The following ATP8A2 variants were observed in gnomAD, a reference collection of about 807,000 sequenced individuals.
ATP8A2 encodes the protein phospholipid-transporting ATPase IB.
A neutral mutation model predicts 165.6 loss-of-function variants in ATP8A2; 100 were observed. The ratio of observed to expected loss-of-function variants is 0.60; its 90% confidence interval spans 0.51 to 0.71. The LOEUF is 0.71. ATP8A2 is among the 30% of genes least tolerant of loss of function. The pLI is 0.00. For missense variants in ATP8A2, 1,227 were observed against 1,479.5 expected, an observed-to-expected ratio of 0.83 and a Z score of 2.80; for synonymous variants, 543 against 548.8, an observed-to-expected ratio of 0.99 and a Z score of 0.15.
intron 24 of ATP8A2, among the ~76,000 whole-genome samples, chr13:25,615,139 A>G (rs1249636260): frequency 6.6e-6 from 1 of 152,126 alleles, no homozygotes; most frequent in Admixed American, 6.5e-5. Context: ...CAGGGTGGGT[A>G]GAGAAAGACC....
chr13:25,495,938 C>G (rs1002603153), intron 2 of ATP8A2, among the ~76,000 whole-genome samples: 1 of 152,068 alleles, frequency 6.6e-6, no homozygotes, highest in Non-Finnish European at 1.5e-5. Flanking sequence ...GATTCTTGCT[C>G]ATCTTTATAC....
rs1446803629 is a variant in ATP8A2 at position 25,868,090 on chromosome 13, T to C, written c.3183+5682T>C. ...GGGTAGCCCCGGCCAAGGAATCCTC[T>C]CTTCACCCAAGTGCGGGTGTTGGGA... On this transcript the variant is annotated intron_variant, in intron 33 of 36. Transcript: ENST00000381655. 8.8e-6 allele frequency: 4 copies of C among 456,328 alleles called. No individual in the cohort carries two copies. The Admixed American group carries it at 9.4e-5, about 11-fold the overall frequency. The allele number at this position is 456,328 out of a possible 1,614,324, so 28.3% of individuals were successfully genotyped here.
Position 25,570,815 on chromosome 13 carries a change from C to A in ATP8A2, c.1522C>A (p.His508Asn), listed in dbSNP as rs1306172556. Residue 508 changes from histidine (H) to asparagine (N), a missense_variant, in exon 17 of 37, where the codon CAC becomes AAC. Physicochemically the swap from His to Asn is moderately conservative, Grantham distance 68. This residue lies in a region of ATP8A2 where 592 missense variants were observed against 785.6 expected (regional missense o/e 0.75). Transcript: ENST00000381655. ...QEFLTLLAVC[H>N]TVVPEKDGDN... is the part of the protein sequence containing the mutation. Reference sequence around the variant, plus strand: ...GTTCCTCACCCTTCTGGCCGTGTGCCACACGGTTGTTCCTGAGAAGGATGG... The same window carrying A: ...GTTCCTCACCCTTCTGGCCGTGTGCAACACGGTTGTTCCTGAGAAGGATGG... The A allele has an allele frequency of 6.2e-7, 1 of 1,613,706 alleles. No individual in the cohort carries two copies. Among genetic ancestry groups the A allele is most frequent in the Non-Finnish European group, 8.5e-7 (1 of 1,179,770 alleles).
rs537200760 is a variant in ATP8A2 at position 25,831,170 on chromosome 13, C to T, written c.2754+2978C>T. ...TCTAAATGTACTCTTTGTTTGATTC[C>T]GCAAGTCAGCTAAAGTAGCAAGTCG... On this transcript the variant is annotated intron_variant, in intron 28 of 36. Coordinates refer to ENST00000381655, the MANE Select transcript of ATP8A2 (RefSeq NM_016529.6). 1.5e-4 allele frequency among the ~76,000 whole-genome samples: 23 copies of T among 151,726 alleles called. No individual in the cohort carries two copies. The South Asian group carries it at 4.2e-3, about 27-fold the overall frequency.
intron 24 of ATP8A2, among the ~76,000 whole-genome samples, chr13:25,602,027 T>C (rs918986133): frequency 6.6e-6 from 1 of 152,210 alleles, no homozygotes; most frequent in African/African-American, 2.4e-5. Flanking sequence ...TACCATCTGC[T>C]AAAAAATTCC....
intron 33 of ATP8A2, among the ~76,000 whole-genome samples, chr13:25,898,541 T>A (rs1030418364): frequency 3.9e-5 from 6 of 152,238 alleles, no homozygotes; most frequent in Non-Finnish European, 8.8e-5. Context: ...GAACCACTCC[T>A]CTCTTCAAAG....
chr13:25,837,423 C>CCA lies in ATP8A2; in HGVS notation c.2877+184_2877+185dup, dbSNP rs72194516. 1.7e-3 allele frequency: 533 copies of CCA among 311,546 alleles called. 2 individuals carry two copies. The highest frequency in any genetic ancestry group is 3.0e-3 in the African/African-American group (124 of 41,580). 19.3% of individuals were successfully genotyped at this position (311,546 alleles called of 1,614,324 possible). A position where few individuals can be genotyped will look rare whatever the true frequency, so the allele number is the denominator to read the frequency against. ...AAAACATGATCCACTCACCCCACCA[C>CCA]CACACACACACACACACACACACAC... On this transcript the variant is annotated intron_variant, in intron 29 of 36. Transcript: ENST00000381655.
intron 35 of ATP8A2, among the ~76,000 whole-genome samples, chr13:25,999,918 T>G (rs1002904840): frequency 3.9e-5 from 6 of 152,184 alleles, no homozygotes; most frequent in African/African-American, 1.4e-4. Flanking sequence ...AAAACCGATT[T>G]TGTTTTTGTT....
chr13:25,927,812 A>C (rs1593574741), intron 33 of ATP8A2, among the ~76,000 whole-genome samples: 1 of 152,378 alleles, frequency 6.6e-6, no homozygotes, highest in African/African-American at 2.4e-5. Context: ...AGAGTATGGC[A>C]AAAGCCCAGA....
intron 27 of ATP8A2, among the ~76,000 whole-genome samples, chr13:25,775,648 A>G (rs2044725112): frequency 6.6e-6 from 1 of 152,184 alleles, no homozygotes; most frequent in African/African-American, 2.4e-5. Flanking sequence ...CATGTTTGCT[A>G]TTAGTGGGAT....
intron 2 of ATP8A2, among the ~76,000 whole-genome samples, chr13:25,508,875 G>A (rs117483411): frequency 0.018 from 2,709 of 152,264 alleles, 36 homozygotes; most frequent in Non-Finnish European, 0.03. Flanking sequence ...AGCCTTGCTT[G>A]GGGTAAGAAC....
chr13:25,461,948 T>C (rs574240588), intron 1 of ATP8A2, among the ~76,000 whole-genome samples: 2 of 152,234 alleles, frequency 1.3e-5, no homozygotes, highest in Admixed American at 1.3e-4. Context: ...ACTGACACTT[T>C]ACAGAAAAAT....
intron 33 of ATP8A2, among the ~76,000 whole-genome samples, chr13:25,907,062 T>C (rs1233436120): frequency 6.6e-6 from 1 of 152,186 alleles, no homozygotes; most frequent in Non-Finnish European, 1.5e-5. Flanking sequence ...AAACCCCGTC[T>C]CTACCAAAAA....
chr13:25,763,409 C>T (rs2044425004), intron 25 of ATP8A2, among the ~76,000 whole-genome samples: 1 of 152,146 alleles, frequency 6.6e-6, no homozygotes, highest in Non-Finnish European at 1.5e-5. Context: ...AGCTCCTCGC[C>T]ATGTGTAAGT....
chr13:25,803,296 G>A (rs78495760), intron 27 of ATP8A2, among the ~76,000 whole-genome samples: 3,377 of 152,146 alleles, frequency 0.022, 109 homozygotes, highest in African/African-American at 0.077. Context: ...AGTAAGTCAG[G>A]TGACAGGATT....
chr13:25,946,117 A>G (rs985433260), intron 33 of ATP8A2, among the ~76,000 whole-genome samples: 1 of 151,992 alleles, frequency 6.6e-6, no homozygotes, highest in Non-Finnish European at 1.5e-5. Flanking sequence ...TAACCTTTTG[A>G]GTGTCGCAGT....
At chr13:25,761,875 A>C (rs888471581) in intron 25 of ATP8A2, among the ~76,000 whole-genome samples, 10 of 151,944 alleles carry the variant, frequency 6.6e-5, no homozygotes, top group Non-Finnish European at 1.5e-4. Flanking sequence ...TATGATCTAA[A>C]GAGGCCAGGA....
Position 25,644,542 on chromosome 13 carries a change from T to G in ATP8A2, c.2212-54631T>G, listed in dbSNP as rs2041620864. Among the ~76,000 whole-genome samples the G allele has an allele frequency of 2.0e-5, 3 of 151,884 alleles. 1 individual carries two copies. Among genetic ancestry groups the G allele is most frequent in the Admixed American group, 1.3e-4 (2 of 15,228 alleles). On this transcript the variant is annotated intron_variant, in intron 24 of 36. Coordinates refer to ENST00000381655, the MANE Select transcript of ATP8A2 (RefSeq NM_016529.6). ...ATTTTTTTTTTTGTGATGTCCATGT[T>G]TGGTTTTTGCATCAGAGTAATACTG...
At chr13:25,852,596 G>GC (rs1952036046) in intron 30 of ATP8A2, among the ~76,000 whole-genome samples, 1 of 152,006 alleles carries the variant, frequency 6.6e-6, no homozygotes, top group South Asian at 2.1e-4. Context: ...TAGTCTAATT[G>GC]TTTTTTTCTT....
Sources: allele counts gnomAD v4.1 joint callset (sites outside exome capture counted in the v4.1 genomes callset), GRCh38; gene constraint gnomAD v4.1.1; regional missense constraint gnomAD v4.1.1; transcripts MANE v1.5; gene names NCBI Gene and HGNC (gene_info 2026-07-23, HGNC 2026-07-21).